The following PTPRD variants were observed in gnomAD, a reference collection of about 807,000 sequenced individuals.
The protein encoded by PTPRD is protein tyrosine phosphatase receptor type D.
In PTPRD, 34 loss-of-function variants were observed where a neutral mutation model predicts 214.5. The ratio of observed to expected loss-of-function variants is 0.16; its 90% CI spans 0.12 to 0.21. PTPRD has a LOEUF of 0.21. PTPRD is among the 10% of genes least tolerant of loss of function. The pLI is 1.00. For missense variants in PTPRD, 2,545 were observed against 2,398.7 expected (o/e 1.06, Z -1.27); for synonymous variants, 1,128 against 845.7 (o/e 1.33, Z -5.79).
At chr9:9,947,747 G>A (rs1176781020) in intron 4 of PTPRD, among the ~76,000 whole-genome samples, 1 of 142,596 alleles carries the variant, frequency 7.0e-6, no homozygotes, top group African/African-American at 2.6e-5. Context: ...ACTGTTGTGA[G>A]AAGTTCATCT....
intron 11 of PTPRD, among the ~76,000 whole-genome samples, chr9:8,894,683 A>G (rs936341620): frequency 6.6e-6 from 1 of 152,210 alleles, no homozygotes; most frequent in Admixed American, 6.5e-5. Flanking sequence ...CGTATGCTAT[A>G]TTGCAACAAA....
intron 9 of PTPRD, among the ~76,000 whole-genome samples, chr9:9,306,542 C>T (rs893453290): frequency 4.5e-4 from 52 of 116,032 alleles, no homozygotes; most frequent in Admixed American, 6.1e-4. Flanking sequence ...CCCGTCTGGG[C>T]GACAGAGTGA....
chr9:9,790,865 A>C (rs1277597189), intron 5 of PTPRD, among the ~76,000 whole-genome samples: 1 of 152,208 alleles, frequency 6.6e-6, no homozygotes, highest in African/African-American at 2.4e-5. Flanking sequence ...GAATGGATCT[A>C]CACTAATATA....
chr9:9,527,531 A>G (rs1363470028), intron 8 of PTPRD, among the ~76,000 whole-genome samples: 4 of 152,198 alleles, frequency 2.6e-5, no homozygotes, highest in Non-Finnish European at 5.9e-5. Context: ...AATCAGGACA[A>G]ACTTCTTGCA....
At chr9:9,065,468 A>T (rs915677396) in intron 10 of PTPRD, among the ~76,000 whole-genome samples, 3 of 152,204 alleles carry the variant, frequency 2.0e-5, no homozygotes, top group African/African-American at 7.2e-5. Context: ...GTGTGATGAC[A>T]TAGGGAAGTG....
At chr9:9,061,830 C>T (rs764369067) in intron 10 of PTPRD, among the ~76,000 whole-genome samples, 5 of 152,100 alleles carry the variant, frequency 3.3e-5, no homozygotes, top group Admixed American at 6.6e-5. Flanking sequence ...CTCTTCTATC[C>T]TCCTGTAGAG....
At chr9:9,624,342 G>C (rs1322498062) in intron 7 of PTPRD, among the ~76,000 whole-genome samples, 2 of 151,978 alleles carry the variant, frequency 1.3e-5, no homozygotes, top group Non-Finnish European at 2.9e-5. Flanking sequence ...GAGTACAGTG[G>C]CATGATCTCA....
intron 37 of PTPRD, among the ~76,000 whole-genome samples, chr9:8,382,918 G>A (rs1453480868): frequency 6.6e-6 from 1 of 152,192 alleles, no homozygotes; most frequent in East Asian, 1.9e-4. Context: ...ATTTGGAAAA[G>A]GACACAAACC....
chr9:8,931,078 G>A (rs892868848), intron 11 of PTPRD, among the ~76,000 whole-genome samples: 21 of 151,978 alleles, frequency 1.4e-4, no homozygotes, highest in Admixed American at 7.2e-4. Context: ...TTTCTTCTAC[G>A]GTTTTTATGG....
At chr9:9,297,316 A>G (rs1255425735) in intron 9 of PTPRD, among the ~76,000 whole-genome samples, 1 of 151,686 alleles carries the variant, frequency 6.6e-6, no homozygotes, top group Admixed American at 6.6e-5. Context: ...ATACAGAGAC[A>G]GAGATATGGT....
intron 2 of PTPRD, among the ~76,000 whole-genome samples, chr9:10,582,692 G>A (rs1280754263): frequency 2.0e-5 from 3 of 151,930 alleles, no homozygotes; most frequent in Admixed American, 6.6e-5. Context: ...TTAGATAATC[G>A]TGTAAAAAGA....
chr9:10,500,319 C>T (rs1327821597), intron 2 of PTPRD, among the ~76,000 whole-genome samples: 2 of 151,810 alleles, frequency 1.3e-5, no homozygotes, highest in African/African-American at 4.8e-5. Flanking sequence ...AAAATGCATA[C>T]TCTTTTTCCA....
At chr9:10,554,958 C>A (rs2062170531) in intron 2 of PTPRD, among the ~76,000 whole-genome samples, 1 of 152,140 alleles carries the variant, frequency 6.6e-6, no homozygotes, top group African/African-American at 2.4e-5. Context: ...CCGCTCCAGG[C>A]TATACATTTC....
chr9:8,944,054 A>G (rs2099049657), intron 11 of PTPRD, among the ~76,000 whole-genome samples: 1 of 151,126 alleles, frequency 6.6e-6, no homozygotes, highest in Admixed American at 6.6e-5. Context: ...ACTAAGTAGG[A>G]AAAAAAAATC....
chr9:9,904,553 C>A (rs186557839), intron 5 of PTPRD, among the ~76,000 whole-genome samples: 6 of 152,024 alleles, frequency 3.9e-5, no homozygotes, highest in African/African-American at 1.4e-4. Context: ...CTAAAAATGG[C>A]CACAGTAATT....
At chr9:9,182,898 T>G (rs2099929074) in intron 10 of PTPRD, among the ~76,000 whole-genome samples, 1 of 151,860 alleles carries the variant, frequency 6.6e-6, no homozygotes, top group South Asian at 2.1e-4. Flanking sequence ...AGAGCCAAAA[T>G]AAAGTATGTA....
intron 3 of PTPRD, among the ~76,000 whole-genome samples, chr9:10,231,989 A>AGAGAGAGTGTGTGTGTGT (rs1245284728): frequency 3.6e-4 from 33 of 92,496 alleles, no homozygotes; most frequent in African/African-American, 1.4e-3. Context: ...AGAGAGAGAG[A>AGAGAGAGTGTGTGTGTGT]GTGTGTGTGT....
chr9:10,204,913 C>T (rs2099460615), intron 3 of PTPRD, among the ~76,000 whole-genome samples: 1 of 152,084 alleles, frequency 6.6e-6, no homozygotes, highest in African/African-American at 2.4e-5. Context: ...CTTACTAAGG[C>T]TATAGTCTGT....
intron 10 of PTPRD, among the ~76,000 whole-genome samples, chr9:9,172,442 C>A (rs1261231827): frequency 2.0e-5 from 3 of 152,052 alleles, no homozygotes; most frequent in Admixed American, 6.6e-5. Flanking sequence ...ATCTGATTAA[C>A]CCTTTACTCA....
Sources: gnomAD v4.1 joint callset for allele counts (sites outside exome capture counted in the v4.1 genomes callset) on GRCh38, gnomAD v4.1.1 for gene constraint, MANE v1.5 for transcripts, NCBI Gene and HGNC (gene_info 2026-07-23, HGNC 2026-07-21) for gene names.